The following CSTF3 variants were observed in gnomAD, a reference collection of about 807,000 sequenced individuals.
The protein encoded by CSTF3 is CF-1 77 kDa subunit.
A neutral mutation model predicts 105.8 loss-of-function variants in CSTF3; 29 were observed. The observed-to-expected ratio is 0.27, with a 90% CI of 0.20 to 0.37. The LOEUF is 0.37. Among genes scored for constraint, CSTF3 ranks in the 10% least tolerant of loss-of-function variants. The pLI is 1.00. For synonymous variants in CSTF3, 252 were observed against 281.9 expected (o/e 0.89, Z 1.06); for missense variants, 357 against 879.3 (o/e 0.41, Z 7.51).
intron 5 of CSTF3, among the ~76,000 whole-genome samples, chr11:33,107,064 A>G (rs1855334380): frequency 6.6e-6 from 1 of 152,130 alleles, no homozygotes. Context: ...TGAGCTCAGT[A>G]GTTTGAGACC....
chr11:33,125,218 T>A (rs1023954049), intron 3 of CSTF3, among the ~76,000 whole-genome samples: 11 of 152,242 alleles, frequency 7.2e-5, no homozygotes, highest in African/African-American at 2.4e-4. Flanking sequence ...AGCTCCATTC[T>A]GGATGCCTTC....
intron 1 of CSTF3, among the ~76,000 whole-genome samples, chr11:33,144,294 T>C (rs1855752271): frequency 6.6e-6 from 1 of 152,108 alleles, no homozygotes; most frequent in Non-Finnish European, 1.5e-5. Flanking sequence ...ATTTACTTAT[T>C]TAGAAAAAAA....
intron 3 of CSTF3, among the ~76,000 whole-genome samples, chr11:33,140,357 C>T (rs934018939): frequency 1.3e-5 from 2 of 151,888 alleles, no homozygotes; most frequent in African/African-American, 4.8e-5. Flanking sequence ...TGGTCATGGG[C>T]CAAAACTACC....
intron 1 of CSTF3, among the ~76,000 whole-genome samples, chr11:33,157,275 A>C (rs1565023121): frequency 6.6e-6 from 1 of 152,192 alleles, no homozygotes; most frequent in Non-Finnish European, 1.5e-5. Context: ...GAATTGCTTG[A>C]ACCTGGGAGG....
At chr11:33,131,527 A>G (rs147617591) in intron 3 of CSTF3, among the ~76,000 whole-genome samples, 1 of 152,284 alleles carries the variant, frequency 6.6e-6, no homozygotes, top group Non-Finnish European at 1.5e-5. Context: ...TGGAGGAAAA[A>G]TCTAAGCATG....
intron 3 of CSTF3, among the ~76,000 whole-genome samples, chr11:33,115,078 GA>G (rs1208920311): frequency 6.6e-6 from 1 of 152,106 alleles, no homozygotes; most frequent in Non-Finnish European, 1.5e-5. Context: ...TTCACAATGT[GA>G]ACAAACGAAT....
intron 3 of CSTF3, among the ~76,000 whole-genome samples, chr11:33,117,426 T>C (rs1855441030): frequency 6.6e-6 from 1 of 152,046 alleles, no homozygotes; most frequent in Admixed American, 6.6e-5. Flanking sequence ...TTCAGCTTCT[T>C]ATAATTTAAA....
intron 17 of CSTF3, among the ~76,000 whole-genome samples, chr11:33,089,815 CTG>C (rs1408648305): frequency 6.6e-6 from 1 of 152,196 alleles, no homozygotes; most frequent in African/African-American, 2.4e-5. Flanking sequence ...AAGGACTTCT[CTG>C]TGAATTTCCA....
chr11:33,105,537 A>G (rs1461871585), intron 8 of CSTF3, 30 bp downstream of exon 8: 1 of 1,580,498 alleles, frequency 6.3e-7, no homozygotes, highest in African/African-American at 1.4e-5. Context: ...GGCTTGGTTT[A>G]TAATAAACAA....
In CSTF3 at chr11:33,106,218, T is replaced by G. The variant is rs558146258; in HGVS notation, c.357-154A>C. Among the ~76,000 whole-genome samples, 7 of 152,250 alleles carry G rather than the reference T, an allele frequency of 4.6e-5. 1 individual carries two copies. The highest frequency in any genetic ancestry group is 2.0e-4 in the Admixed American group (3 of 15,288). ...TGAGACCAGGAATTCAAGACCTGCC[T>G]GTGCAACATAGCAAAACCCAGTCTC... is the stretch of plus-strand genomic sequence containing the variant. On this transcript the variant is annotated intron_variant, in intron 5 of 20. Transcript: ENST00000323959.
At chr11:33,138,671 T>C (rs186668748) in intron 3 of CSTF3, among the ~76,000 whole-genome samples, 3 of 151,890 alleles carry the variant, frequency 2.0e-5, no homozygotes, top group Non-Finnish European at 4.4e-5. Context: ...TTAAACTTTA[T>C]ACTTGATAAC....
At chr11:33,154,139 A>T (rs1849824774) in intron 1 of CSTF3, among the ~76,000 whole-genome samples, 2 of 152,218 alleles carry the variant, frequency 1.3e-5, no homozygotes, top group Non-Finnish European at 2.9e-5. Flanking sequence ...TTGACATAAA[A>T]ACCACTGTGG....
Position 33,141,986 on chromosome 11 carries a change from C to T in CSTF3, c.28G>A (p.Ala10Thr). MSGDGATEQ[A>T]AEYVPEKVKK... is the part of the protein sequence containing the mutation. ...ACCTTCTCTGGGACATACTCAGCTG[C>T]CTGGGGAAAAAAAACAACAGTGAAC... Residue 10 changes from alanine to threonine, a missense_variant and splice_region_variant, in exon 2 of 21, where the codon GCA (alanine) becomes ACA (threonine). Around this residue, in one of 4 missense-constraint regions of CSTF3, gnomAD observed 78 missense variants for 180.4 expected, o/e 0.43. Coordinates refer to ENST00000323959, the MANE Select transcript of CSTF3 (RefSeq NM_001326.3). 6.2e-7 allele frequency: 1 copy of T among 1,612,592 alleles called. No homozygotes were observed. The highest frequency in any genetic ancestry group is 8.5e-7 in the Non-Finnish European group (1 of 1,179,404).
chr11:33,122,534 T>A (rs1314352511), intron 3 of CSTF3, among the ~76,000 whole-genome samples: 1 of 151,920 alleles, frequency 6.6e-6, no homozygotes, highest in African/African-American at 2.4e-5. Flanking sequence ...ATGAAAAAAA[T>A]AATTTGCAAA....
In CSTF3 at chr11:33,122,931, A is replaced by G. The variant is rs939636409; in HGVS notation, c.226-14513T>C. On this transcript the variant is annotated intron_variant, in intron 3 of 20. Transcript: ENST00000323959. ...TCCTGTCTCAAAAAAAAAAAAAAAA[A>G]AAAGAAAAGAAAAAAGAAAAGAAAA... Among the ~76,000 whole-genome samples, 49 of 148,844 alleles carry G rather than the reference A, an allele frequency of 3.3e-4. No individual in the cohort carries two copies. The South Asian group carries it at 8.6e-3, about 26-fold the overall frequency.
At chr11:33,121,447 C>G (rs1341547171) in intron 3 of CSTF3, among the ~76,000 whole-genome samples, 1 of 152,032 alleles carries the variant, frequency 6.6e-6, no homozygotes, top group African/African-American at 2.4e-5. Context: ...AAAGGCTTAA[C>G]GAAAACATAT....
intron 3 of CSTF3, among the ~76,000 whole-genome samples, chr11:33,138,687 C>T (rs1855679469): frequency 6.6e-6 from 1 of 151,814 alleles, no homozygotes; most frequent in Admixed American, 6.6e-5. Context: ...ATAACTATCA[C>T]TTTAAGAATA....
rs188801349 is a variant in CSTF3, at chr11:33,137,821, T to C, written c.225+3846A>G. Among the ~76,000 whole-genome samples, 90 of 151,948 alleles carry C rather than the reference T, an allele frequency of 5.9e-4. 1 individual carries two copies. The highest frequency in any genetic ancestry group is 5.8e-3 in the Admixed American group (88 of 15,260). On this transcript the variant is annotated intron_variant, in intron 3 of 20. Coordinates refer to ENST00000323959, the MANE Select transcript of CSTF3 (RefSeq NM_001326.3). The stretch of plus-strand genomic sequence containing the variant: ...GAAGTATAGAAATCACCATAATCTA[T>C]ATAATGCAGTAATTGTATCTGCATT...
chr11:33,092,596 T>C (rs146538637), intron 15 of CSTF3, among the ~76,000 whole-genome samples: 6 of 152,340 alleles, frequency 3.9e-5, no homozygotes, highest in African/African-American at 1.2e-4. Flanking sequence ...CCTCCTCTAC[T>C]ATACTGCAGT....
Sources: gnomAD v4.1 joint callset for allele counts (sites outside exome capture counted in the v4.1 genomes callset) on GRCh38, gnomAD v4.1.1 for gene constraint, gnomAD v4.1.1 regional missense constraint, MANE v1.5 for transcripts, NCBI Gene and HGNC (gene_info 2026-07-23, HGNC 2026-07-21) for gene names.